USP4: variants seen among roughly 807,000 people sequenced by gnomAD.
USP4 encodes ubiquitin specific peptidase 4, also known as ubiquitin carboxyl-terminal hydrolase 4.
A neutral mutation model predicts 118.2 loss-of-function variants in USP4; 72 were observed. The ratio of observed to expected loss-of-function variants is 0.61; its 90% CI spans 0.50 to 0.74. The LOEUF is 0.74. USP4 is among the 30% of genes least tolerant of loss of function. USP4 has a pLI of 0.00. For synonymous variants in USP4, 415 were observed against 440.4 expected, an observed-to-expected ratio of 0.94 and a Z score of 0.72; for missense variants, 1,037 against 1,185.7, an observed-to-expected ratio of 0.87 and a Z score of 1.84.
At chr3:49,309,780 C>T in intron 8 of USP4, among the ~76,000 whole-genome samples, 1 of 151,056 alleles carries the variant, frequency 6.6e-6, no homozygotes, top group East Asian at 1.9e-4. Flanking sequence ...GCGTGTGCCA[C>T]CACACCCGGC....
At chr3:49,287,811 C>A (rs979849296) in intron 15 of USP4, among the ~76,000 whole-genome samples, 1 of 152,052 alleles carries the variant, frequency 6.6e-6, no homozygotes, top group Non-Finnish European at 1.5e-5. Flanking sequence ...TTAAGTATTC[C>A]GTTCCTCCAG....
intron 10 of USP4, among the ~76,000 whole-genome samples, chr3:49,302,098 C>T (rs1001015352): frequency 1.3e-5 from 2 of 151,680 alleles, no homozygotes; most frequent in African/African-American, 4.9e-5. Flanking sequence ...CTGTTGTAAT[C>T]CCAGCACTTT....
At chr3:49,309,437 A>G (rs1284895431) in intron 8 of USP4, among the ~76,000 whole-genome samples, 1 of 152,046 alleles carries the variant, frequency 6.6e-6, no homozygotes, top group Admixed American at 6.6e-5. Context: ...TTTCTTTTCC[A>G]TTTTGAGACA....
chr3:49,288,038 A>T (rs138841388), intron 15 of USP4, among the ~76,000 whole-genome samples: 2 of 152,310 alleles, frequency 1.3e-5, no homozygotes, highest in African/African-American at 4.8e-5. Context: ...TACATACTTG[A>T]TCAGTAAAAA....
chr3:49,327,098 A>C (rs1029075119), intron 3 of USP4, among the ~76,000 whole-genome samples: 2 of 152,184 alleles, frequency 1.3e-5, no homozygotes, highest in South Asian at 2.1e-4. Flanking sequence ...GCCCCCAGTG[A>C]ACTTTCTCTC....
Position 49,297,071 on chromosome 3 carries a change from T to C in USP4, c.1691+799A>G, listed in dbSNP as rs535821508. Among the ~76,000 whole-genome samples, 20 of 152,344 alleles carry C rather than the reference T, an allele frequency of 1.3e-4. 1 individual carries two copies. The South Asian group carries it at 3.5e-3, about 27-fold the overall frequency. Reference sequence around the variant, plus strand: ...AAGGGAAGGAACTATCTCCTTTACATACTGAATTCCTCAGCCAAAAACAAA... The same window carrying C: ...AAGGGAAGGAACTATCTCCTTTACACACTGAATTCCTCAGCCAAAAACAAA... On this transcript the variant is annotated intron_variant, in intron 13 of 21. Coordinates refer to ENST00000265560, the MANE Select transcript of USP4 (RefSeq NM_003363.4).
intron 6 of USP4, among the ~76,000 whole-genome samples, chr3:49,316,062 G>A (rs990113810): frequency 6.6e-6 from 1 of 151,946 alleles, no homozygotes; most frequent in Non-Finnish European, 1.5e-5. Context: ...AATTAGCCAG[G>A]CATGGTGGCA....
chr3:49,292,549 C>A lies in USP4; in HGVS notation c.1933G>T (p.Glu645Ter). 6.2e-7 allele frequency: 1 copy of A among 1,601,328 alleles called. No individual in the cohort carries two copies. Among genetic ancestry groups the A allele is most frequent in the African/African-American group, 1.3e-5 (1 of 74,532 alleles). ...LPDEFGSSPLEPGACNGSRNS... is the reference protein window; with the variant it reads ...LPDEFGSSPL The stretch of plus-strand genomic sequence containing the variant: ...CTGGAGCCATTGCAGGCCCCTGGCT[C>A]CAAGGGTGAGCTGCCAAACTCATCA... The change falls in exon 15 of 22, where the codon GAG becomes TAG. Residue 645 changes from glutamate to a stop codon, truncating the protein, a stop_gained. Coordinates refer to ENST00000265560, the MANE Select transcript of USP4 (RefSeq NM_003363.4). LOFTEE classifies it high-confidence loss of function.
intron 15 of USP4, among the ~76,000 whole-genome samples, chr3:49,291,354 A>C (rs1272839329): frequency 1.3e-5 from 2 of 150,744 alleles, no homozygotes; most frequent in Admixed American, 1.3e-4. Flanking sequence ...AGGCAGGTGA[A>C]TCATGAGGTC....
At chr3:49,329,408 G>A (rs1439332067) in intron 2 of USP4, among the ~76,000 whole-genome samples, 1 of 151,918 alleles carries the variant, frequency 6.6e-6, no homozygotes, top group African/African-American at 2.4e-5. Context: ...GTGTGTGTGT[G>A]GGCAGGTGGG....
Position 49,278,834 on chromosome 3 carries a change from C to T in USP4, c.2713G>A (p.Ala905Thr). The T allele has an allele frequency of 6.2e-7, 1 of 1,612,618 alleles. No homozygotes were observed. Among genetic ancestry groups the T allele is most frequent in the Non-Finnish European group, 8.5e-7 (1 of 1,179,230 alleles). Residue 905 changes from alanine to threonine, a missense_variant, in exon 21 of 22, where the codon GCC (alanine) becomes ACC (threonine). By Grantham distance (58) the Ala-to-Thr change is moderately conservative (BLOSUM62 0). Around this residue, in one of 3 missense-constraint regions of USP4, gnomAD observed 522 missense variants for 592.6 expected, o/e 0.88. Transcript: ENST00000265560. ...YYFDDSNVSL[A>T]SEDQIVTKAA... is the part of the protein sequence containing the mutation. Reference sequence around the variant, plus strand: ...CTCACCACTATCTGATCCTCAGAGGCCAGGGACACGTTGCTATCATCAAAG... The same window carrying T: ...CTCACCACTATCTGATCCTCAGAGGTCAGGGACACGTTGCTATCATCAAAG...
Position 49,278,434 on chromosome 3 carries a change from C to T in USP4, c.2751G>A (p.Val917=). ...CATCATCTCGACGTTGGTAAAATAG[C>T]ACATAAGCTGCTTTAGTCTGAAATA... is the stretch of plus-strand genomic sequence containing the variant. ...EDQIVTKAAY[V]LFYQRRDDEF... is the part of the protein sequence containing the mutation. The change falls in exon 22 of 22, where the codon GTG becomes GTA. Residue 917 remains valine (V), a synonymous_variant. Transcript: ENST00000265560. The T allele has an allele frequency of 1.2e-6, 2 of 1,613,938 alleles. No individual in the cohort carries two copies. Among genetic ancestry groups the T allele is most frequent in the Non-Finnish European group, 1.7e-6 (2 of 1,179,952 alleles).
intron 6 of USP4, among the ~76,000 whole-genome samples, chr3:49,321,655 G>T (rs2047503821): frequency 6.6e-6 from 1 of 151,944 alleles, no homozygotes; most frequent in Non-Finnish European, 1.5e-5. Context: ...TTTTTTAAGA[G>T]ATGGGGTTTC....
intron 19 of USP4, among the ~76,000 whole-genome samples, chr3:49,282,925 C>G (rs1249107567): frequency 2.7e-5 from 4 of 150,712 alleles, no homozygotes; most frequent in Non-Finnish European, 5.9e-5. Flanking sequence ...CCAGGCTACT[C>G]TCCGGCTCCT....
chr3:49,307,895 T>C (rs549690336), intron 8 of USP4, among the ~76,000 whole-genome samples: 5 of 152,084 alleles, frequency 3.3e-5, no homozygotes, highest in African/African-American at 1.2e-4. Context: ...CCCAGCTATT[T>C]GGGAAGCTGA....
chr3:49,311,867 A>G (rs942803363), intron 6 of USP4: 1 of 1,237,824 alleles, frequency 8.1e-7, no homozygotes, highest in Non-Finnish European at 1.0e-6. Flanking sequence ...CCACACCACC[A>G]CATACCCTTT....
At chr3:49,309,737 C>T (rs1479684883) in intron 8 of USP4, among the ~76,000 whole-genome samples, 2 of 149,938 alleles carry the variant, frequency 1.3e-5, no homozygotes, top group Non-Finnish European at 3.0e-5. Context: ...AGCGATTCTC[C>T]TGCCTCAGCC....
chr3:49,320,942 A>G (rs1415283442), intron 6 of USP4, among the ~76,000 whole-genome samples: 1 of 152,128 alleles, frequency 6.6e-6, no homozygotes, highest in Non-Finnish European at 1.5e-5. Context: ...CAGTCCTGCT[A>G]TACAGTACAT....
At chr3:49,317,474 GC>G in intron 6 of USP4, 1 of 686,200 alleles carries the variant, frequency 1.5e-6, no homozygotes, top group Non-Finnish European at 2.6e-6. Context: ...ATCTCCTGGG[GC>G]CCCCTATTTT....
Sources: allele counts gnomAD v4.1 joint callset (sites outside exome capture counted in the v4.1 genomes callset), GRCh38; gene constraint gnomAD v4.1.1; regional missense constraint gnomAD v4.1.1; transcripts MANE v1.5; gene names NCBI Gene and HGNC (gene_info 2026-07-23, HGNC 2026-07-21).